TANC2: variants seen among roughly 807,000 people sequenced by gnomAD.
TANC2 encodes the protein protein TANC2.
In TANC2, 26 loss-of-function variants were observed where a neutral mutation model predicts 210.5. The observed-to-expected ratio is 0.12, with a 90% CI of 0.09 to 0.17. The LOEUF is 0.17. TANC2 is among the 10% of genes least tolerant of loss of function. The pLI is 1.00. For missense variants in TANC2, 2,129 were observed against 2,608.9 expected (o/e 0.82, Z 4.01); for synonymous variants, 931 against 967.1 (o/e 0.96, Z 0.69).
chr17:63,337,694 T>G (rs1598885663), intron 11 of TANC2, among the ~76,000 whole-genome samples: 1 of 152,016 alleles, frequency 6.6e-6, no homozygotes, highest in South Asian at 2.1e-4. Flanking sequence ...CACAGGAATT[T>G]GTTATACAGA....
chr17:62,978,090 C>T (rs960175467), intron 1 of TANC2, among the ~76,000 whole-genome samples: 53 of 151,888 alleles, frequency 3.5e-4, no homozygotes, highest in Admixed American at 3.4e-3. Flanking sequence ...ATGTTATTTC[C>T]CAACTGATGG....
intron 7 of TANC2, among the ~76,000 whole-genome samples, chr17:63,205,372 A>AAAAAAAAAAAAAAC (rs1472135033): frequency 1.5e-5 from 2 of 131,810 alleles, no homozygotes; most frequent in African/African-American, 3.1e-5. Context: ...AAAAAAAAAA[A>AAAAAAAAAAAAAAC]CCTCATACAC....
intron 5 of TANC2, among the ~76,000 whole-genome samples, chr17:63,176,760 C>T (rs1276460872): frequency 1.7e-4 from 23 of 138,486 alleles, no homozygotes; most frequent in South Asian, 7.0e-4. Context: ...GAGCCGAGAT[C>T]GTGCAGCTGC....
intron 1 of TANC2, among the ~76,000 whole-genome samples, chr17:62,986,104 T>C (rs553085376): frequency 4.9e-4 from 75 of 152,206 alleles, no homozygotes; most frequent in Non-Finnish European, 1.0e-3. Context: ...GTAGTGTCCA[T>C]GTAGTTTCTT....
At chr17:63,120,226 A>G (rs2038411113) in intron 4 of TANC2, among the ~76,000 whole-genome samples, 1 of 151,546 alleles carries the variant, frequency 6.6e-6, no homozygotes, top group Non-Finnish European at 1.5e-5. Flanking sequence ...ATATTAACCT[A>G]TTTGTTTGTT....
At chr17:63,283,785 C>G (rs2044136888) in intron 9 of TANC2, among the ~76,000 whole-genome samples, 1 of 151,924 alleles carries the variant, frequency 6.6e-6, no homozygotes, top group South Asian at 2.1e-4. Context: ...TCTAATTGTT[C>G]ATTGCCAATA....
intron 14 of TANC2, among the ~76,000 whole-genome samples, chr17:63,379,374 G>T (rs190196197): frequency 3.9e-5 from 6 of 152,250 alleles, no homozygotes; most frequent in African/African-American, 1.2e-4. Context: ...GCAGAATTGG[G>T]GCATTAACAT....
intron 4 of TANC2, among the ~76,000 whole-genome samples, chr17:63,109,966 A>C (rs1163380399): frequency 1.3e-5 from 2 of 151,724 alleles, no homozygotes; most frequent in African/African-American, 2.4e-5. Context: ...TCTGTAGCTT[A>C]AAAGACTTTA....
intron 8 of TANC2, among the ~76,000 whole-genome samples, chr17:63,241,571 T>C (rs1270692302): frequency 6.6e-6 from 1 of 152,182 alleles, no homozygotes; most frequent in African/African-American, 2.4e-5. Flanking sequence ...GTTCAGTTGT[T>C]GGAACAGAGA....
At chr17:63,225,672 A>G (rs2042309021) in intron 7 of TANC2, among the ~76,000 whole-genome samples, 1 of 152,096 alleles carries the variant, frequency 6.6e-6, no homozygotes, top group African/African-American at 2.4e-5. Flanking sequence ...TCATGACTGC[A>G]TTTTTACCTC....
chr17:63,135,598 C>G (rs1050424552), intron 4 of TANC2, among the ~76,000 whole-genome samples: 1 of 151,978 alleles, frequency 6.6e-6, no homozygotes, highest in East Asian at 1.9e-4. Flanking sequence ...AAAATTTTAA[C>G]AGAGATAGGA....
At chr17:63,187,321 T>G (rs1233657290) in intron 5 of TANC2, among the ~76,000 whole-genome samples, 2 of 152,182 alleles carry the variant, frequency 1.3e-5, no homozygotes, top group Non-Finnish European at 2.9e-5. Context: ...TTTCGTTATT[T>G]GTAAAGTATG....
intron 7 of TANC2, among the ~76,000 whole-genome samples, chr17:63,217,985 CAA>C (rs371382046): frequency 1.8e-4 from 26 of 144,720 alleles, no homozygotes; most frequent in African/African-American, 6.6e-4. Context: ...CTGATAAATA[CAA>C]AAAAAAAACA....
At chr17:63,113,394 C>T (rs1299924131) in intron 4 of TANC2, among the ~76,000 whole-genome samples, 5 of 152,184 alleles carry the variant, frequency 3.3e-5, no homozygotes, top group African/African-American at 1.2e-4. Context: ...TTCCAGAGGA[C>T]ATTTTCAGTT....
chr17:63,261,723 T>G (rs754753021), intron 8 of TANC2, among the ~76,000 whole-genome samples: 3 of 152,222 alleles, frequency 2.0e-5, no homozygotes, highest in Non-Finnish European at 4.4e-5. Flanking sequence ...ATTAACAAAG[T>G]CCACCTTTTT....
intron 2 of TANC2, among the ~76,000 whole-genome samples, chr17:63,012,265 C>T (rs2033908919): frequency 6.6e-6 from 1 of 152,104 alleles, no homozygotes; most frequent in South Asian, 2.1e-4. Flanking sequence ...AAATGATCCT[C>T]ATGCCTTGGC....
intron 1 of TANC2, among the ~76,000 whole-genome samples, chr17:62,972,543 C>G (rs1027550957): frequency 5.9e-5 from 9 of 152,014 alleles, no homozygotes; most frequent in African/African-American, 2.2e-4. Flanking sequence ...GAGGAAACAC[C>G]TTTAGTGTTT....
chr17:63,014,090 T>G (rs2034000748), intron 2 of TANC2, among the ~76,000 whole-genome samples: 2 of 152,204 alleles, frequency 1.3e-5, no homozygotes, highest in Non-Finnish European at 2.9e-5. Context: ...TAATCTCAAT[T>G]GACCTATCTT....
intron 5 of TANC2, among the ~76,000 whole-genome samples, chr17:63,185,341 C>T (rs549946585): frequency 6.6e-6 from 1 of 152,196 alleles, no homozygotes; most frequent in African/African-American, 2.4e-5. Context: ...GATCCACCCG[C>T]CTCGGCCTCC....
Sources: gnomAD v4.1 joint callset for allele counts (sites outside exome capture counted in the v4.1 genomes callset) on GRCh38, gnomAD v4.1.1 for gene constraint, MANE v1.5 for transcripts, NCBI Gene and HGNC (gene_info 2026-07-23, HGNC 2026-07-21) for gene names.